The following TMEM132C variants were observed in gnomAD, a reference collection of about 807,000 sequenced individuals.
TMEM132C encodes protein phosphatase 1, regulatory subunit 152.
Under a neutral mutation model 61.4 loss-of-function variants are expected in TMEM132C, and 29 were observed. That is an observed-to-expected ratio of 0.47 (90% CI 0.35 to 0.64). TMEM132C has a LOEUF of 0.64. Ranked by LOEUF, TMEM132C falls within the 30% of genes least tolerant of loss-of-function variation. TMEM132C has a pLI of 0.00. For synonymous variants in TMEM132C, 656 were observed against 633.1 expected, an observed-to-expected ratio of 1.04 and a Z score of -0.54; for missense variants, 1,408 against 1,476.9, an observed-to-expected ratio of 0.95 and a Z score of 0.76.
rs11059696 is a variant in TMEM132C, at chr12:128,441,213, G to A, written c.974+25593G>A. Among the ~76,000 whole-genome samples, 11 of 152,336 alleles carry A rather than the reference G, an allele frequency of 7.2e-5. No individual in the cohort carries two copies. In the East Asian group the frequency reaches 1.7e-3, roughly 24 times the overall value. On this transcript the variant is annotated intron_variant, in intron 2 of 8. Transcript: ENST00000435159. ...AGCAGTTCTGCACGGCGATGAGTGC[G>A]AGGAGCAGAGCCACGGTCAACCTCA...
chr12:128,388,527 C>T lies in TMEM132C; in HGVS notation c.86-26205C>T, dbSNP rs189975347. ...ATAAACTGTCTGAGGGCCAGTGAGG[C>T]CCCCTGGGCCTAGAGTTTGAGACTG... On this transcript the variant is annotated intron_variant, in intron 1 of 8. Transcript: ENST00000435159. Among the ~76,000 whole-genome samples the T allele has an allele frequency of 3.3e-5, 5 of 152,362 alleles. No individual in the cohort carries two copies. The East Asian group carries it at 7.7e-4, about 24-fold the overall frequency.
intron 1 of TMEM132C, among the ~76,000 whole-genome samples, chr12:128,275,607 TC>T (rs1300247643): frequency 6.6e-6 from 1 of 151,708 alleles, no homozygotes; most frequent in Non-Finnish European, 1.5e-5. Context: ...GCTGAAACAA[TC>T]CCCCCACCCC....
chr12:128,276,282 T>C (rs1337774557), intron 1 of TMEM132C, among the ~76,000 whole-genome samples: 4 of 152,126 alleles, frequency 2.6e-5, no homozygotes, highest in African/African-American at 9.7e-5. Flanking sequence ...CACAGTACAA[T>C]ACAATGGAAA....
At chr12:128,508,443 G>A (rs1302957679) in intron 2 of TMEM132C, among the ~76,000 whole-genome samples, 1 of 152,202 alleles carries the variant, frequency 6.6e-6, no homozygotes, top group Non-Finnish European at 1.5e-5. Flanking sequence ...GAGATGAGGA[G>A]TTAACAACCG....
intron 4 of TMEM132C, among the ~76,000 whole-genome samples, chr12:128,646,520 G>T (rs536934342): frequency 7.1e-6 from 1 of 140,946 alleles, no homozygotes; most frequent in Non-Finnish European, 1.5e-5. Context: ...GTCCATCAGC[G>T]CTGGATGTGA....
rs78926940 is a variant in TMEM132C, at chr12:128,473,011, C to G, written c.974+57391C>G. ...CTGTGAGACACTACAGGGTTGGTTC[C>G]TTCTGGAGGATCTAGGGAAGGATCT... On this transcript the variant is annotated intron_variant, in intron 2 of 8. Coordinates refer to ENST00000435159, the MANE Select transcript of TMEM132C (RefSeq NM_001136103.3). Among the ~76,000 whole-genome samples the G allele has an allele frequency of 3.8e-4, 58 of 152,300 alleles. 1 individual carries two copies. Among genetic ancestry groups the G allele is most frequent in the Middle Eastern group, 6.8e-3 (2 of 294 alleles).
At chr12:128,396,673 C>T (rs1431974335) in intron 1 of TMEM132C, among the ~76,000 whole-genome samples, 3 of 151,940 alleles carry the variant, frequency 2.0e-5, no homozygotes, top group Non-Finnish European at 4.4e-5. Context: ...TCAAAATGGT[C>T]CCAAGAGGAG....
At chr12:128,513,560 C>T (rs747953048) in intron 2 of TMEM132C, among the ~76,000 whole-genome samples, 3 of 152,114 alleles carry the variant, frequency 2.0e-5, no homozygotes, top group Non-Finnish European at 4.4e-5. Flanking sequence ...ACTTAGTTAA[C>T]AAGCAGTGAG....
chr12:128,517,424 G>A (rs1403478730), intron 2 of TMEM132C, among the ~76,000 whole-genome samples: 1 of 152,088 alleles, frequency 6.6e-6, no homozygotes, highest in Admixed American at 6.6e-5. Context: ...AACAGAGTGA[G>A]ACACCATCTC....
chr12:128,542,063 A>C (rs35903204), intron 2 of TMEM132C, among the ~76,000 whole-genome samples: 48,893 of 151,540 alleles, frequency 0.32, 9,570 homozygotes, highest in Non-Finnish European at 0.43. Flanking sequence ...CTTGTAGCCA[A>C]CCCTCTTTAT....
rs563457687 is a variant in TMEM132C at position 128,368,384 on chromosome 12, G to A, written c.86-46348G>A. Among the ~76,000 whole-genome samples the A allele has an allele frequency of 1.2e-4, 19 of 152,314 alleles. 1 individual carries two copies. The East Asian group carries it at 3.3e-3, about 26-fold the overall frequency. ...ACATGCTTGAATCCAGTCTAGCTCC[G>A]AAAAGGTCCAGTCAATCTTGGGCAC... On this transcript the variant is annotated intron_variant, in intron 1 of 8. Coordinates refer to ENST00000435159, the MANE Select transcript of TMEM132C (RefSeq NM_001136103.3).
In TMEM132C at chr12:128,267,316, C is replaced by T; in HGVS notation, c.-87C>T. The T allele has an allele frequency of 1.2e-6, 1 of 864,112 alleles. No individual in the cohort carries two copies. The highest frequency in any genetic ancestry group is 1.4e-6 in the Non-Finnish European group (1 of 721,006). 53.5% of individuals were successfully genotyped at this position (864,112 alleles called of 1,614,324 possible). On this transcript the variant is annotated 5_prime_UTR_variant, in exon 1 of 9. Coordinates refer to ENST00000435159, the MANE Select transcript of TMEM132C (RefSeq NM_001136103.3). ...CCGGCCGACCGGGCTGCGGGAGTGGCCCCGGGCATGGGGCGGCCGGCGGGG... is the reference window on the plus strand; with the variant it reads ...CCGGCCGACCGGGCTGCGGGAGTGGTCCCGGGCATGGGGCGGCCGGCGGGG...
intron 1 of TMEM132C, among the ~76,000 whole-genome samples, chr12:128,370,607 A>G (rs1285640871): frequency 6.6e-6 from 1 of 151,826 alleles, no homozygotes; most frequent in Admixed American, 6.6e-5. Context: ...GAGGCACAGC[A>G]CCAAGAAAAG....
At chr12:128,267,609 C>A in intron 1 of TMEM132C, 122 bp downstream of exon 1, 3 of 794,870 alleles carry the variant, frequency 3.8e-6, no homozygotes, top group Non-Finnish European at 4.9e-6. Flanking sequence ...GCTCGGATCC[C>A]ATCAACAGCG....
intron 2 of TMEM132C, among the ~76,000 whole-genome samples, chr12:128,419,572 CTTGTTT>C (rs1868912017): frequency 8.0e-6 from 1 of 125,152 alleles, no homozygotes; most frequent in Non-Finnish European, 1.8e-5. Flanking sequence ...ACCTACTAAT[CTTGTTT>C]TTTTTTTTTT....
rs536295516 is a variant in TMEM132C, at chr12:128,431,536, G to A, written c.974+15916G>A. Among the ~76,000 whole-genome samples the A allele has an allele frequency of 2.7e-5, 4 of 146,452 alleles. No homozygotes were observed. In the East Asian group the frequency reaches 6.1e-4, roughly 22 times the overall value. ...CTTCCTCTTGGATCTCTTGGATGAC[G>A]ATCCCATCTAGGACTTTTTTTTTTT... On this transcript the variant is annotated intron_variant, in intron 2 of 8. Coordinates refer to ENST00000435159, the MANE Select transcript of TMEM132C (RefSeq NM_001136103.3).
chr12:128,660,223 T>C (rs1256660007), intron 4 of TMEM132C, among the ~76,000 whole-genome samples: 1 of 152,172 alleles, frequency 6.6e-6, no homozygotes, highest in African/African-American at 2.4e-5. Context: ...GGTGTCACTG[T>C]CCAGCTGTGT....
intron 2 of TMEM132C, among the ~76,000 whole-genome samples, chr12:128,472,115 A>T (rs1178496135): frequency 6.6e-6 from 1 of 152,150 alleles, no homozygotes; most frequent in East Asian, 1.9e-4. Context: ...GCACGTACCC[A>T]GTGCCTCTTG....
intron 1 of TMEM132C, among the ~76,000 whole-genome samples, chr12:128,361,091 G>A (rs1052903090): frequency 6.6e-6 from 1 of 152,252 alleles, no homozygotes; most frequent in Admixed American, 6.5e-5. Context: ...AGGGGAAGGC[G>A]GATCATGCTC....
Sources: allele counts gnomAD v4.1 joint callset (sites outside exome capture counted in the v4.1 genomes callset), GRCh38; gene constraint gnomAD v4.1.1; transcripts MANE v1.5; gene names NCBI Gene and HGNC (gene_info 2026-07-23, HGNC 2026-07-21).